The following CSMD1 variants were observed in gnomAD, a reference collection of about 807,000 sequenced individuals.
The protein encoded by CSMD1 is CUB and Sushi multiple domains 1.
CSMD1 carries 213 observed loss-of-function variants against 417.5 expected under a neutral mutation model. That is an observed-to-expected ratio of 0.51 (90% CI 0.46 to 0.57). The LOEUF (loss-of-function observed/expected upper bound fraction) is 0.57, where lower values mean the gene tolerates loss of function less well. Among genes scored for constraint, CSMD1 ranks in the 20% least tolerant of loss-of-function variants. The pLI is 0.00. For missense variants in CSMD1, 6,923 were observed against 4,529.7 expected, an observed-to-expected ratio of 1.53 and a Z score of -15.17; for synonymous variants, 2,862 against 1,736.8, an observed-to-expected ratio of 1.65 and a Z score of -16.11.
At chr8:4,686,684 C>T (rs368274429) in intron 1 of CSMD1, among the ~76,000 whole-genome samples, 8 of 152,188 alleles carry the variant, frequency 5.3e-5, no homozygotes, top group East Asian at 1.9e-4. Flanking sequence ...CATTTCCTTA[C>T]GAAGGCTCAT....
At chr8:4,174,827 A>G (rs1205587094) in intron 3 of CSMD1, among the ~76,000 whole-genome samples, 1 of 132,286 alleles carries the variant, frequency 7.6e-6, no homozygotes, top group East Asian at 2.4e-4. Context: ...TGTGTGCCAG[A>G]GAAATTACAC....
chr8:3,425,537 G>A (rs958636040), intron 12 of CSMD1, among the ~76,000 whole-genome samples: 11 of 143,540 alleles, frequency 7.7e-5, no homozygotes, highest in Non-Finnish European at 1.5e-4. Flanking sequence ...GCAGTGATCT[G>A]AGATTGCGCC....
intron 3 of CSMD1, among the ~76,000 whole-genome samples, chr8:4,112,227 G>A (rs889495843): frequency 8.5e-5 from 13 of 152,072 alleles, no homozygotes; most frequent in Non-Finnish European, 1.6e-4. Flanking sequence ...TCAGGGGTGT[G>A]AAGCTCACCT....
At chr8:3,857,638 G>T (rs987957804) in intron 5 of CSMD1, among the ~76,000 whole-genome samples, 4 of 152,106 alleles carry the variant, frequency 2.6e-5, no homozygotes. Context: ...GCAGAGGGTG[G>T]GGACACAGAT....
intron 2 of CSMD1, among the ~76,000 whole-genome samples, chr8:4,483,709 G>T (rs543875679): frequency 1.7e-4 from 26 of 152,094 alleles, no homozygotes; most frequent in African/African-American, 5.8e-4. Context: ...TTGTCATGAA[G>T]AAAAAGAAAG....
At chr8:3,887,606 C>T (rs1169605504) in intron 5 of CSMD1, among the ~76,000 whole-genome samples, 3 of 152,128 alleles carry the variant, frequency 2.0e-5, no homozygotes, top group African/African-American at 7.2e-5. Context: ...TAAAGCTCCC[C>T]AGGTAATTCT....
At chr8:2,940,898 C>G (rs1342549381) in intron 69 of CSMD1, among the ~76,000 whole-genome samples, 1 of 152,112 alleles carries the variant, frequency 6.6e-6, no homozygotes, top group Non-Finnish European at 1.5e-5. Flanking sequence ...ACATATGTGT[C>G]TCTATAAGGA....
chr8:3,337,175 G>GC (rs1466479714), intron 23 of CSMD1, among the ~76,000 whole-genome samples: 1 of 152,062 alleles, frequency 6.6e-6, no homozygotes, highest in Non-Finnish European at 1.5e-5. Flanking sequence ...ACAAACCAAC[G>GC]CAACGACTCG....
intron 25 of CSMD1, among the ~76,000 whole-genome samples, chr8:3,288,466 T>C (rs1584935469): frequency 6.8e-6 from 1 of 147,302 alleles, no homozygotes; most frequent in South Asian, 2.1e-4. Context: ...GATTATTGCC[T>C]CAATTTCAGA....
At chr8:3,733,298 A>C (rs891663608) in intron 6 of CSMD1, among the ~76,000 whole-genome samples, 38 of 148,366 alleles carry the variant, frequency 2.6e-4, no homozygotes, top group Admixed American at 6.1e-4. Flanking sequence ...ATACATATGA[A>C]TATATATACA....
At position 3,214,573 on chromosome 8, in the gene CSMD1, A is replaced by G; in HGVS notation, c.4791T>C (p.Leu1597=). 6.3e-7 allele frequency: 1 copy of G among 1,585,252 alleles called. No individual in the cohort carries two copies. Among genetic ancestry groups the G allele is most frequent in the Non-Finnish European group, 8.6e-7 (1 of 1,165,128 alleles). Residue 1597 remains leucine (L), a synonymous_variant, in exon 30 of 70, where the codon CTT becomes CTC. Transcript: ENST00000635120. The part of the protein sequence containing the change: ...TYQCDSGYKI[L]DPSSITCVIG... ...TCACACAGGTGATGGATGAGGGGTC[A>G]AGAATCTTATAGCCAGAGTCACACT...
chr8:3,946,370 G>C (rs535914429), intron 5 of CSMD1, among the ~76,000 whole-genome samples: 1 of 151,948 alleles, frequency 6.6e-6, no homozygotes, highest in East Asian at 1.9e-4. Context: ...GTATGTGCTG[G>C]CCTGTCTCTG....
At chr8:3,424,062 ATTTGT>A (rs1454915107) in intron 12 of CSMD1, among the ~76,000 whole-genome samples, 2 of 152,160 alleles carry the variant, frequency 1.3e-5, no homozygotes, top group Non-Finnish European at 2.9e-5. Context: ...TTTAAAAATT[ATTTGT>A]TTTATGTTCA....
intron 6 of CSMD1, among the ~76,000 whole-genome samples, chr8:3,711,697 T>C (rs4443681): frequency 0.35 from 52,647 of 152,076 alleles, 9,356 homozygotes; most frequent in East Asian, 0.49. Context: ...TCAGAAGTCC[T>C]CTGCCAGCTC....
At chr8:3,455,784 T>C (rs1816084443) in intron 12 of CSMD1, among the ~76,000 whole-genome samples, 1 of 152,212 alleles carries the variant, frequency 6.6e-6, no homozygotes, top group African/African-American at 2.4e-5. Context: ...AGGCAGTCTG[T>C]CTGTTCTCAG....
intron 2 of CSMD1, among the ~76,000 whole-genome samples, chr8:4,503,685 T>G (rs983022752): frequency 1.2e-4 from 18 of 152,104 alleles, no homozygotes; most frequent in Admixed American, 1.2e-3. Flanking sequence ...TGCATTAACC[T>G]GGACTCGTCT....
intron 3 of CSMD1, among the ~76,000 whole-genome samples, chr8:4,393,950 G>A (rs933078708): frequency 6.6e-6 from 1 of 152,104 alleles, no homozygotes; most frequent in Admixed American, 6.5e-5. Flanking sequence ...TGTGTTTCAG[G>A]TATTAACGCA....
chr8:4,801,545 T>C (rs28719486), intron 1 of CSMD1, among the ~76,000 whole-genome samples: 10,605 of 152,028 alleles, frequency 0.07, 619 homozygotes, highest in East Asian at 0.24. Context: ...TAGAAACAAA[T>C]CTTTTCTATT....
chr8:3,186,973 C>T (rs1160353791), intron 36 of CSMD1, among the ~76,000 whole-genome samples: 1 of 152,212 alleles, frequency 6.6e-6, no homozygotes, highest in Non-Finnish European at 1.5e-5. Context: ...AACTACTGAC[C>T]TCAGGTGATC....
Sources: allele counts gnomAD v4.1 joint callset (sites outside exome capture counted in the v4.1 genomes callset), GRCh38; gene constraint gnomAD v4.1.1; transcripts MANE v1.5; gene names NCBI Gene and HGNC (gene_info 2026-07-23, HGNC 2026-07-21).